Variants in NFASC observed in about 807,000 individuals in gnomAD.
NFASC encodes neurofascin homolog.
In NFASC, 43 loss-of-function variants were observed where a neutral mutation model predicts 147.5. That is an observed-to-expected ratio of 0.29 (90% CI 0.23 to 0.38). The LOEUF (loss-of-function observed/expected upper bound fraction) is 0.38, where lower values mean the gene tolerates loss of function less well. Ranked by LOEUF, NFASC falls within the 10% of genes least tolerant of loss-of-function variation. The pLI is 1.00. For synonymous variants in NFASC, 622 were observed against 665.5 expected, an observed-to-expected ratio of 0.93 and a Z score of 1.01; for missense variants, 1,320 against 1,689.0, an observed-to-expected ratio of 0.78 and a Z score of 3.83.
Position 205,019,239 on chromosome 1 carries a change from T to G in NFASC, c.*2700T>G. ...AGCCCATGTCAGAGTCCACTCCAGCTCAGCAGGAAAGTGGAATTGCCCAGT... is the reference window on the plus strand; with the variant it reads ...AGCCCATGTCAGAGTCCACTCCAGCGCAGCAGGAAAGTGGAATTGCCCAGT... On this transcript the variant is annotated 3_prime_UTR_variant, in exon 30 of 30. Coordinates refer to ENST00000339876, the MANE Select transcript of NFASC (RefSeq NM_001005388.3). The G allele has an allele frequency of 6.6e-6, 1 of 152,224 alleles. No individual in the cohort carries two copies. The highest frequency in any genetic ancestry group is 1.9e-4 in the East Asian group (1 of 5,180). 9.4% of individuals were successfully genotyped at this position (152,224 alleles called of 1,614,324 possible). A position where few individuals can be genotyped will look rare whatever the true frequency, so the allele number is the denominator to read the frequency against.
At chr1:204,902,122 C>T (rs12406760) in intron 1 of NFASC, among the ~76,000 whole-genome samples, 30,224 of 152,022 alleles carry the variant, frequency 0.2, 3,490 homozygotes, top group East Asian at 0.31. Flanking sequence ...AGTGAGACCC[C>T]GTCTCTACAA....
At chr1:204,962,781 C>T (rs2094746400) in intron 8 of NFASC, among the ~76,000 whole-genome samples, 1 of 152,164 alleles carries the variant, frequency 6.6e-6, no homozygotes, top group Non-Finnish European at 1.5e-5. Context: ...CTAGGCCTCT[C>T]TCCTCCTTTG....
At chr1:204,878,902 C>A (rs1224483681) in intron 1 of NFASC, among the ~76,000 whole-genome samples, 1 of 152,206 alleles carries the variant, frequency 6.6e-6, no homozygotes, top group Non-Finnish European at 1.5e-5. Flanking sequence ...GGGGACAGAT[C>A]TTTGGAGAGG....
At position 204,968,810 on chromosome 1, in the gene NFASC, C is replaced by T. The variant is rs770397682; in HGVS notation, c.831C>T (p.Asp277=). The T allele has an allele frequency of 1.2e-6, 2 of 1,613,034 alleles. No homozygotes were observed. The highest frequency in any genetic ancestry group is 1.7e-5 in the Admixed American group (1 of 59,972). ...ECIASGVPTP[D]IAWYKKGGDL... ...GCGCCTCTCCTAGCCCAACACCAGA[C>T]ATCGCATGGTACAAGAAAGGTGGGG... is the stretch of plus-strand genomic sequence containing the variant. The change falls in exon 10 of 30, where the codon GAC becomes GAT. Residue 277 remains aspartate (D), a synonymous_variant. Coordinates refer to ENST00000339876, the MANE Select transcript of NFASC (RefSeq NM_001005388.3). The surrounding 1 kb of genome is among the most constrained non-coding windows in gnomAD (Gnocchi z 5.4).
chr1:204,901,997 G>A (rs913156898), intron 1 of NFASC, among the ~76,000 whole-genome samples: 19 of 152,100 alleles, frequency 1.2e-4, no homozygotes, highest in African/African-American at 4.6e-4. Context: ...AAGAGTAAAT[G>A]AAGGGAGAAC....
At chr1:204,866,341 G>A (rs1440662212) in intron 1 of NFASC, among the ~76,000 whole-genome samples, 2 of 152,200 alleles carry the variant, frequency 1.3e-5, no homozygotes, top group Non-Finnish European at 1.5e-5. Flanking sequence ...ACTGGATGCC[G>A]TCTTGGCTGC....
Position 204,836,468 on chromosome 1 carries a change from C to T in NFASC, c.-200+7686C>T, listed in dbSNP as rs75572109. Among the ~76,000 whole-genome samples, 2,789 of 152,276 alleles carry T rather than the reference C, an allele frequency of 0.018. 179 individuals carry two copies. The East Asian group carries it at 0.2, about 11-fold the overall frequency. On this transcript the variant is annotated intron_variant, in intron 1 of 29. Coordinates refer to ENST00000339876, the MANE Select transcript of NFASC (RefSeq NM_001005388.3). ...ACCTAATTCTTGGAACATCTTGACTCGTGAGACCAGCCAGAGTTTTATTTG... is the reference window on the plus strand; with the variant it reads ...ACCTAATTCTTGGAACATCTTGACTTGTGAGACCAGCCAGAGTTTTATTTG...
chr1:205,009,980 A>G (rs1252125406), intron 28 of NFASC: 5 of 398,976 alleles, frequency 1.3e-5, no homozygotes, highest in African/African-American at 1.0e-4. Context: ...CTCACCACCC[A>G]TCTGTTCTAT....
intron 3 of NFASC, among the ~76,000 whole-genome samples, chr1:204,949,363 G>A (rs566454485): frequency 1.1e-4 from 17 of 152,262 alleles, no homozygotes; most frequent in African/African-American, 4.1e-4. Context: ...TCTCACTCAA[G>A]TCAAGTAGGA....
At chr1:204,955,702 CCTT>C (rs1290681957) in intron 7 of NFASC, among the ~76,000 whole-genome samples, 1 of 152,112 alleles carries the variant, frequency 6.6e-6, no homozygotes, top group Non-Finnish European at 1.5e-5. Flanking sequence ...CTCTGTGTGT[CCTT>C]CTGGCTTCCT....
chr1:204,881,693 T>C (rs2080274949), intron 1 of NFASC, among the ~76,000 whole-genome samples: 2 of 152,296 alleles, frequency 1.3e-5, no homozygotes, highest in South Asian at 4.1e-4. Context: ...GAAAAACCCA[T>C]CAGTCCCTTG....
intron 1 of NFASC, among the ~76,000 whole-genome samples, chr1:204,879,529 T>G (rs753101398): frequency 4.6e-5 from 7 of 152,140 alleles, no homozygotes; most frequent in African/African-American, 7.2e-5. Context: ...AGAGGAGAGA[T>G]AACGGGAACC....
intron 1 of NFASC, among the ~76,000 whole-genome samples, chr1:204,911,828 C>G (rs939082674): frequency 6.6e-6 from 1 of 151,954 alleles, no homozygotes; most frequent in Non-Finnish European, 1.5e-5. Flanking sequence ...TTCAGATTAT[C>G]TGTTACATAT....
intron 27 of NFASC, among the ~76,000 whole-genome samples, chr1:205,004,354 G>C (rs2096062882): frequency 6.6e-6 from 1 of 152,190 alleles, no homozygotes. Flanking sequence ...GATTGATACT[G>C]GGTATGCTTC....
chr1:204,986,143 G>A lies in NFASC; in HGVS notation c.2471-1275G>A, dbSNP rs1379987386. ...GGTCTGGCCTGCAGCTCTTCAGGGTGGGGCAGGAGAAGGGTGGCACACACC... is the reference window on the plus strand; with the variant it reads ...GGTCTGGCCTGCAGCTCTTCAGGGTAGGGCAGGAGAAGGGTGGCACACACC... On this transcript the variant is annotated intron_variant, in intron 21 of 29. Transcript: ENST00000339876. This position sits in a 1 kb window ranked among gnomAD's most constrained non-coding sequence, Gnocchi z 4.2. The A allele has an allele frequency of 1.3e-6, 2 of 1,549,384 alleles. No individual in the cohort carries two copies. Among genetic ancestry groups the A allele is most frequent in the East Asian group, 4.5e-5 (2 of 44,540 alleles).
chr1:204,977,743 C>G lies in NFASC; in HGVS notation c.1876+18C>G. On this transcript the variant is annotated intron_variant, in intron 17 of 29. Transcript: ENST00000339876. Reference sequence around the variant, plus strand: ...GCCCAAAGGTAATTCCCACTAATCACAGTCCCCTGCCAGTGCCCTCTCTTG... The same window carrying G: ...GCCCAAAGGTAATTCCCACTAATCAGAGTCCCCTGCCAGTGCCCTCTCTTG... 1 of 1,604,758 alleles carries G rather than the reference C, an allele frequency of 6.2e-7. No homozygotes were observed. The highest frequency in any genetic ancestry group is 1.3e-5 in the African/African-American group (1 of 74,942).
At chr1:204,928,926 A>G (rs1441354119) in intron 2 of NFASC, among the ~76,000 whole-genome samples, 1 of 152,196 alleles carries the variant, frequency 6.6e-6, no homozygotes, top group African/African-American at 2.4e-5. Context: ...CGAGGTATTC[A>G]TTAGATCTTC....
At chr1:204,924,041 C>T (rs1293148585) in intron 2 of NFASC, among the ~76,000 whole-genome samples, 2 of 152,254 alleles carry the variant, frequency 1.3e-5, no homozygotes, top group African/African-American at 4.8e-5. Context: ...GTTTCCTCCA[C>T]ACCACTGGAG....
chr1:204,887,379 C>T (rs2081498195), intron 1 of NFASC, among the ~76,000 whole-genome samples: 1 of 152,126 alleles, frequency 6.6e-6, no homozygotes. Context: ...CATGGATATA[C>T]CACATTTTGT....
Sources: allele counts gnomAD v4.1 joint callset (sites outside exome capture counted in the v4.1 genomes callset), GRCh38; gene constraint gnomAD v4.1.1; non-coding constraint Gnocchi (gnomAD v3.1); transcripts MANE v1.5; gene names NCBI Gene and HGNC (gene_info 2026-07-23, HGNC 2026-07-21).